Variants in LIPI observed in about 807,000 individuals in gnomAD.
LIPI encodes the protein lipase member I.
Under a neutral mutation model 50.6 loss-of-function variants are expected in LIPI, and 59 were observed. The observed-to-expected ratio is 1.16, with a 90% CI of 0.94 to 1.45. The LOEUF is 1.45. Ranked by LOEUF, LIPI falls within the 40% of genes most tolerant of loss-of-function variation. The pLI, the probability that LIPI is intolerant of heterozygous loss-of-function variation, is 0.00. For missense variants in LIPI, 586 were observed against 536.3 expected (o/e 1.09, Z -0.92); for synonymous variants, 203 against 178.2 (o/e 1.14, Z -1.11).
At position 14,109,013 on chromosome 21, in the gene LIPI, A is replaced by G. The variant is rs766309698; in HGVS notation, c.1363T>C (p.Cys455Arg). The change falls in exon 10 of 10, where the codon TGT (cysteine) becomes CGT (arginine). Residue 455 changes from cysteine (C) to arginine (R), a missense_variant. Transcript: ENST00000681601. The part of the protein sequence containing the change: ...REEVFLNPNT[C>R]TPKNT Reference sequence around the variant, plus strand: ...GCATCTTATGTGTTCTTTGGTGTACATGTGTTTGGATTAAGAAACACTTCC... The same window carrying G: ...GCATCTTATGTGTTCTTTGGTGTACGTGTGTTTGGATTAAGAAACACTTCC... 5.0e-6 allele frequency: 8 copies of G among 1,606,252 alleles called. No individual in the cohort carries two copies. In the South Asian group the frequency reaches 5.5e-5, roughly 11 times the overall value.
intron 1 of LIPI, among the ~76,000 whole-genome samples, chr21:14,197,756 G>T (rs1041464470): frequency 6.6e-6 from 1 of 151,972 alleles, no homozygotes; most frequent in African/African-American, 2.4e-5. Context: ...TTCAAATTCA[G>T]GAAATGCAAA....
At chr21:14,193,990 A>T (rs1422943401) in intron 1 of LIPI, among the ~76,000 whole-genome samples, 4 of 152,138 alleles carry the variant, frequency 2.6e-5, no homozygotes, top group Non-Finnish European at 4.4e-5. Flanking sequence ...ACTTAAATTG[A>T]CTTATCAATG....
intron 8 of LIPI, 98 bp downstream of exon 8, chr21:14,152,475 A>C: frequency 3.0e-6 from 2 of 659,232 alleles, no homozygotes; most frequent in East Asian, 2.8e-5. Flanking sequence ...TCTCTAGATT[A>C]AAAAATAAAC....
At chr21:14,169,165 A>G (rs918028996) in intron 4 of LIPI, among the ~76,000 whole-genome samples, 17 of 152,368 alleles carry the variant, frequency 1.1e-4, no homozygotes, top group African/African-American at 3.8e-4. Flanking sequence ...AGAGCTAACT[A>G]TCCTAAATGT....
Position 14,189,322 on chromosome 21 carries a change from A to G in LIPI, c.144T>C (p.Tyr48=), listed in dbSNP as rs1242567824. ...IPRIETILMM[Y]TRNNLNCAEP... ...CAGCACAGTTTAGGTTGTTCCTTGT[A>G]TACATCATCAGAATGGTCTCTATTC... Residue 48 remains tyrosine, a synonymous_variant, in exon 2 of 10, where the codon TAT becomes TAC. Coordinates refer to ENST00000681601, the MANE Select transcript of LIPI (RefSeq NM_001302998.2). 3.7e-6 allele frequency: 6 copies of G among 1,613,424 alleles called. No homozygotes were observed. The East Asian group carries it at 1.3e-4, about 36-fold the overall frequency.
chr21:14,185,873 ACT>A (rs945782868), intron 3 of LIPI, 86 bp downstream of exon 3: 7 of 742,318 alleles, frequency 9.4e-6, no homozygotes, highest in East Asian at 2.7e-5. Flanking sequence ...ACAGAGCGAG[ACT>A]CTGTCTCAAA....
chr21:14,174,351 G>A (rs763583546), intron 4 of LIPI, among the ~76,000 whole-genome samples: 1 of 151,972 alleles, frequency 6.6e-6, no homozygotes, highest in Non-Finnish European at 1.5e-5. Flanking sequence ...TAAGACACAT[G>A]CAGAAAAAGA....
chr21:14,186,185 G>T, intron 2 of LIPI, 116 bp from the exon 3 acceptor site: 1 of 703,790 alleles, frequency 1.4e-6, no homozygotes, highest in South Asian at 1.6e-5. Context: ...ATTCATTTTG[G>T]GGATATCGGG....
At chr21:14,172,427 T>A (rs2123199652) in intron 4 of LIPI, among the ~76,000 whole-genome samples, 1 of 152,276 alleles carries the variant, frequency 6.6e-6, no homozygotes, top group South Asian at 2.1e-4. Flanking sequence ...GTATGTTTAT[T>A]GCAGCACTAT....
At chr21:14,121,165 T>C (rs2016847498) in intron 9 of LIPI, among the ~76,000 whole-genome samples, 1 of 152,198 alleles carries the variant, frequency 6.6e-6, no homozygotes, top group South Asian at 2.1e-4. Flanking sequence ...AGAATGCCTC[T>C]ACCTTTAGGC....
intron 4 of LIPI, among the ~76,000 whole-genome samples, chr21:14,179,269 T>C (rs1306718786): frequency 6.6e-6 from 1 of 151,926 alleles, no homozygotes; most frequent in Non-Finnish European, 1.5e-5. Flanking sequence ...TTATCTAGTA[T>C]TCAAGGAAAA....
rs989431139 is a variant in LIPI, at chr21:14,184,015, A to T, written c.541+1946T>A. ...GATTATAAATCATGCTGCTATAAAG[A>T]CACATGCACATGTATGTTTATAGCG... On this transcript the variant is annotated intron_variant, in intron 3 of 9. Coordinates refer to ENST00000681601, the MANE Select transcript of LIPI (RefSeq NM_001302998.2). Among the ~76,000 whole-genome samples the T allele has an allele frequency of 6.6e-5, 10 of 152,308 alleles. No homozygotes were observed. The East Asian group carries it at 9.7e-4, about 15-fold the overall frequency.
At chr21:14,118,660 T>C (rs1239058910) in intron 9 of LIPI, among the ~76,000 whole-genome samples, 1 of 152,142 alleles carries the variant, frequency 6.6e-6, no homozygotes. Context: ...GAAGATATAG[T>C]GTGGCTGAAA....
rs116048885 is a variant in LIPI at position 14,165,968 on chromosome 21, A to G, written c.733+394T>C. Among the ~76,000 whole-genome samples the G allele has an allele frequency of 8.2e-3, 1,256 of 152,344 alleles. 12 individuals carry two copies. Among genetic ancestry groups the G allele is most frequent in the African/African-American group, 0.028 (1,164 of 41,570 alleles). On this transcript the variant is annotated intron_variant, in intron 5 of 9. Coordinates refer to ENST00000681601, the MANE Select transcript of LIPI (RefSeq NM_001302998.2). The stretch of plus-strand genomic sequence containing the variant: ...TTGCTCAGCTATCTTTATGTACAGA[A>G]CAATCAAGTGTCAAGAGTTTTTACA...
chr21:14,113,903 C>G (rs964947946), intron 9 of LIPI, among the ~76,000 whole-genome samples: 2 of 152,162 alleles, frequency 1.3e-5, no homozygotes, highest in African/African-American at 2.4e-5. Context: ...ACTTTCAGAT[C>G]TTGGCCGGGC....
intron 7 of LIPI, among the ~76,000 whole-genome samples, chr21:14,163,081 G>A (rs2018549936): frequency 1.1e-5 from 1 of 90,912 alleles, no homozygotes; most frequent in Admixed American, 1.5e-4. Context: ...TTAATAATGG[G>A]TGTTCAGACT....
In LIPI at chr21:14,111,873, G is replaced by A. The variant is rs187763827; in HGVS notation, c.1296-2793C>T. Among the ~76,000 whole-genome samples, 656 of 152,048 alleles carry A rather than the reference G, an allele frequency of 4.3e-3. 4 individuals carry two copies. The highest frequency in any genetic ancestry group is 0.015 in the African/African-American group (621 of 41,518). ...GTTTTGTTTTTTTAAAATAGATTCA[G>A]GGGGTACATGTGCAGGTTTGTTACA... On this transcript the variant is annotated intron_variant, in intron 9 of 9. Transcript: ENST00000681601.
At chr21:14,177,558 T>C (rs1329079654) in intron 4 of LIPI, among the ~76,000 whole-genome samples, 1 of 152,078 alleles carries the variant, frequency 6.6e-6, no homozygotes, top group African/African-American at 2.4e-5. Context: ...ATTTTTGTCC[T>C]TCATTTTCTT....
chr21:14,126,526 G>T (rs187255878), intron 9 of LIPI, among the ~76,000 whole-genome samples: 3 of 152,212 alleles, frequency 2.0e-5, no homozygotes, highest in Admixed American at 2.0e-4. Flanking sequence ...AAAAATATTT[G>T]GGGGAAAAAT....
Sources: allele counts gnomAD v4.1 joint callset (sites outside exome capture counted in the v4.1 genomes callset), GRCh38; gene constraint gnomAD v4.1.1; transcripts MANE v1.5; gene names NCBI Gene and HGNC (gene_info 2026-07-23, HGNC 2026-07-21).